Variants in MOSMO observed in about 807,000 individuals in gnomAD.
MOSMO encodes modulator of smoothened protein.
A neutral mutation model predicts 18.4 loss-of-function variants in MOSMO; 5 were observed. That is an observed-to-expected ratio of 0.27 (90% CI 0.14 to 0.57). The LOEUF (loss-of-function observed/expected upper bound fraction) is 0.57. MOSMO is among the 20% of genes least tolerant of loss of function. MOSMO has a pLI of 0.92. For missense variants in MOSMO, 138 were observed against 211.8 expected, an observed-to-expected ratio of 0.65 and a Z score of 2.16; for synonymous variants, 82 against 82.3, an observed-to-expected ratio of 1.00 and a Z score of 0.02.
At position 22,083,864 on chromosome 16, in the gene MOSMO, C is replaced by T. The variant is rs943326407; in HGVS notation, c.*2984C>T. On this transcript the variant is annotated 3_prime_UTR_variant, in exon 3 of 3. Coordinates refer to ENST00000542527, the MANE Select transcript of MOSMO (RefSeq NM_001164579.2). ...GCAAACATTTCAGTATGATTCTTTC[C>T]AAAGGTAATCCATGTTCTATGTTGT... 1 of 350,298 alleles carries T rather than the reference C, an allele frequency of 2.9e-6. No homozygotes were observed. Among genetic ancestry groups the T allele is most frequent in the Admixed American group, 4.4e-5 (1 of 22,696 alleles). 21.7% of individuals were successfully genotyped at this position (350,298 alleles called of 1,614,324 possible).
At chr16:22,011,358 G>A (rs1899524131) in intron 1 of MOSMO, among the ~76,000 whole-genome samples, 1 of 152,200 alleles carries the variant, frequency 6.6e-6, no homozygotes, top group Non-Finnish European at 1.5e-5. Context: ...CAAGGTTGGG[G>A]TTTGCCAGAT....
intron 1 of MOSMO, among the ~76,000 whole-genome samples, chr16:22,065,606 C>T (rs1900733951): frequency 6.6e-6 from 1 of 152,026 alleles, no homozygotes; most frequent in Admixed American, 6.6e-5. Context: ...TTGTACTGTC[C>T]TGTGTATGTT....
intron 1 of MOSMO, among the ~76,000 whole-genome samples, chr16:22,041,970 G>A (rs1219175141): frequency 2.0e-5 from 3 of 152,152 alleles, no homozygotes; most frequent in Non-Finnish European, 4.4e-5. Flanking sequence ...ACAGGTGTGA[G>A]CCACTATGCC....
intron 1 of MOSMO, among the ~76,000 whole-genome samples, chr16:22,045,877 A>G (rs1454839293): frequency 6.8e-6 from 1 of 147,064 alleles, no homozygotes; most frequent in Non-Finnish European, 1.5e-5. Context: ...CTTCACTAGA[A>G]CTCTTTTTTT....
intron 1 of MOSMO, among the ~76,000 whole-genome samples, chr16:22,064,607 G>C (rs1373085310): frequency 2.6e-5 from 4 of 152,184 alleles, no homozygotes; most frequent in African/African-American, 7.2e-5. Flanking sequence ...TTTAGATCCA[G>C]AGCATGTGCT....
chr16:22,022,174 C>A (rs1899776824), intron 1 of MOSMO, among the ~76,000 whole-genome samples: 1 of 151,782 alleles, frequency 6.6e-6, no homozygotes, highest in Admixed American at 6.6e-5. Flanking sequence ...TCCTTGGCTG[C>A]CCGTATCACT....
downstream of MOSMO, among the ~76,000 whole-genome samples, chr16:22,091,546 A>C (rs1483969484): frequency 2.0e-5 from 3 of 151,914 alleles, no homozygotes; most frequent in Admixed American, 6.6e-5. Context: ...ACTGTACCTG[A>C]CTAATTTTTA....
intron 1 of MOSMO, among the ~76,000 whole-genome samples, chr16:22,033,524 A>G (rs183557610): frequency 3.3e-5 from 5 of 151,884 alleles, no homozygotes; most frequent in Admixed American, 1.3e-4. Flanking sequence ...AGTAGCTGAG[A>G]TTACAGGCAC....
At chr16:22,078,534 T>C (rs1901017519) in intron 2 of MOSMO, among the ~76,000 whole-genome samples, 1 of 152,230 alleles carries the variant, frequency 6.6e-6, no homozygotes, top group Non-Finnish European at 1.5e-5. Context: ...TTATAAAGGA[T>C]AGATCTTTTT....
At chr16:22,067,595 C>T (rs1007453908) in intron 1 of MOSMO, among the ~76,000 whole-genome samples, 2 of 152,142 alleles carry the variant, frequency 1.3e-5, no homozygotes, top group Admixed American at 1.3e-4. Flanking sequence ...TATGGTGGCT[C>T]ACGCCTGTAA....
rs1380234853 is a variant in MOSMO, at chr16:22,084,198, C to T, written c.*3318C>T. ...GCATATGCTGTTAGCTATTATTTTG[C>T]ATCATGGGCTTCATGGGAAGAACAT... On this transcript the variant is annotated 3_prime_UTR_variant, in exon 3 of 3. Coordinates refer to ENST00000542527, the MANE Select transcript of MOSMO (RefSeq NM_001164579.2). 3 of 153,046 alleles carry T rather than the reference C, an allele frequency of 2.0e-5. No homozygotes were observed. The highest frequency in any genetic ancestry group is 4.4e-5 in the Non-Finnish European group (3 of 68,704). 9.5% of individuals were successfully genotyped at this position (153,046 alleles called of 1,614,324 possible). A position where few individuals can be genotyped will look rare whatever the true frequency, so the allele number is the denominator to read the frequency against.
intron 1 of MOSMO, among the ~76,000 whole-genome samples, chr16:22,047,612 G>A (rs1415960906): frequency 6.6e-6 from 1 of 152,124 alleles, no homozygotes; most frequent in Non-Finnish European, 1.5e-5. Context: ...AAGTAATAGT[G>A]CGGTGAACAT....
chr16:22,033,867 C>T (rs1054129360), intron 1 of MOSMO, among the ~76,000 whole-genome samples: 1 of 151,942 alleles, frequency 6.6e-6, no homozygotes, highest in African/African-American at 2.4e-5. Flanking sequence ...TTACATTAGC[C>T]TATAGTTGGG....
chr16:22,087,710 T>C (rs1469138482), downstream of MOSMO, among the ~76,000 whole-genome samples: 2 of 152,178 alleles, frequency 1.3e-5, no homozygotes, highest in Admixed American at 1.3e-4. Context: ...AATGAACTTA[T>C]TTGGTGCAGT....
At chr16:22,018,888 T>A (rs991912762) in intron 1 of MOSMO, among the ~76,000 whole-genome samples, 3 of 152,216 alleles carry the variant, frequency 2.0e-5, no homozygotes, top group African/African-American at 7.2e-5. Context: ...GAGGAGGCAG[T>A]GAAATTTCTA....
intron 1 of MOSMO, 161 bp from the exon 2 acceptor site, chr16:22,075,326 C>T (rs759657792): frequency 4.3e-5 from 30 of 704,852 alleles, no homozygotes; most frequent in Admixed American, 1.6e-4. Flanking sequence ...AGTATTACTA[C>T]GTTATGAACT....
Position 22,041,696 on chromosome 16 carries a change from T to C in MOSMO, c.106+33289T>C, listed in dbSNP as rs548315562. Among the ~76,000 whole-genome samples, 19 of 152,180 alleles carry C rather than the reference T, an allele frequency of 1.2e-4. No individual in the cohort carries two copies. The South Asian group carries it at 3.3e-3, about 27-fold the overall frequency. On this transcript the variant is annotated intron_variant, in intron 1 of 2. Transcript: ENST00000542527. ...TTAACTTTAATTTTTTTTTTTTATT[T>C]TGGAGACACGGCCTCACTTTGTTGC...
At chr16:22,042,303 G>A (rs957349830) in intron 1 of MOSMO, among the ~76,000 whole-genome samples, 3 of 151,046 alleles carry the variant, frequency 2.0e-5, no homozygotes, top group South Asian at 2.2e-4. Flanking sequence ...GGACCCAGTC[G>A]GCAGTTATTT....
At chr16:22,065,144 T>C (rs1900725541) in intron 1 of MOSMO, among the ~76,000 whole-genome samples, 1 of 152,158 alleles carries the variant, frequency 6.6e-6, no homozygotes, top group Admixed American at 6.5e-5. Context: ...TAATAAGCTG[T>C]AATGTGAGGG....
Sources: gnomAD v4.1 joint callset for allele counts (sites outside exome capture counted in the v4.1 genomes callset) on GRCh38, gnomAD v4.1.1 for gene constraint, MANE v1.5 for transcripts, NCBI Gene and HGNC (gene_info 2026-07-23, HGNC 2026-07-21) for gene names.